Variants in ARHGEF12 observed in about 807,000 individuals in gnomAD.
ARHGEF12 encodes Rho guanine nucleotide exchange factor 12, also known as KMT2A/ARHGEF12 fusion protein.
A neutral mutation model predicts 211.2 loss-of-function variants in ARHGEF12; 66 were observed. The observed-to-expected ratio is 0.31, with a 90% CI of 0.26 to 0.38. The LOEUF (loss-of-function observed/expected upper bound fraction) is 0.38. Among genes scored for constraint, ARHGEF12 ranks in the 10% least tolerant of loss-of-function variants. The pLI, the probability that ARHGEF12 is intolerant of heterozygous loss-of-function variation, is 1.00. For missense variants in ARHGEF12, 1,429 were observed against 1,869.5 expected, an observed-to-expected ratio of 0.76 and a Z score of 4.34; for synonymous variants, 592 against 638.4, an observed-to-expected ratio of 0.93 and a Z score of 1.09.
rs534574009 is a variant in ARHGEF12, at chr11:120,445,549, A to G, written c.1345+85A>G. ...CATCTGTTCAGGTTTTATCTGTCAC[A>G]TGGTGACTAGTCGATCACCTGAATC... On this transcript the variant is annotated intron_variant, in intron 16 of 40. Transcript: ENST00000397843. 50 of 1,295,904 alleles carry G rather than the reference A, an allele frequency of 3.9e-5. No individual in the cohort carries two copies. The African/African-American group carries it at 6.0e-4, about 15-fold the overall frequency. The allele number at this position is 1,295,904 out of a possible 1,614,324, so 80.3% of individuals were successfully genotyped here.
Position 120,480,704 on chromosome 11 carries a change from A to C in ARHGEF12, c.4237+274A>C, listed in dbSNP as rs189031346. ...AAGGATGGTAAATAAGTAAACAAAT[A>C]AATAGACTTCAGGAAGTATTAGGAA... On this transcript the variant is annotated intron_variant, in intron 38 of 40. Transcript: ENST00000397843. Among the ~76,000 whole-genome samples, 4 of 149,544 alleles carry C rather than the reference A, an allele frequency of 2.7e-5. No homozygotes were observed. The East Asian group carries it at 7.7e-4, about 29-fold the overall frequency.
chr11:120,426,084 G>A (rs1201120663), intron 7 of ARHGEF12, among the ~76,000 whole-genome samples: 1 of 152,106 alleles, frequency 6.6e-6, no homozygotes, highest in African/African-American at 2.4e-5. Flanking sequence ...ACTTTGATCA[G>A]CGTTCTTTAG....
intron 31 of ARHGEF12, 32 bp from the exon 32 acceptor site, chr11:120,474,528 T>G: frequency 6.6e-7 from 1 of 1,525,478 alleles, no homozygotes; most frequent in Non-Finnish European, 9.0e-7. Flanking sequence ...TGCTTGGAAA[T>G]TATTTGTGCA....
intron 1 of ARHGEF12, among the ~76,000 whole-genome samples, chr11:120,365,190 A>G (rs1463796201): frequency 6.6e-6 from 1 of 152,260 alleles, no homozygotes; most frequent in African/African-American, 2.4e-5. Flanking sequence ...ATGTGTATAT[A>G]TATATATTGC....
At chr11:120,368,247 G>C (rs1192218645) in intron 1 of ARHGEF12, among the ~76,000 whole-genome samples, 1 of 152,070 alleles carries the variant, frequency 6.6e-6, no homozygotes, top group Non-Finnish European at 1.5e-5. Context: ...CTTATATCAT[G>C]ACTACTGACT....
At chr11:120,362,784 G>T (rs1943311874) in intron 1 of ARHGEF12, among the ~76,000 whole-genome samples, 1 of 152,156 alleles carries the variant, frequency 6.6e-6, no homozygotes, top group Non-Finnish European at 1.5e-5. Flanking sequence ...AAGCTGATGG[G>T]ACACTCCAAT....
At chr11:120,360,547 C>A (rs1171303881) in intron 1 of ARHGEF12, among the ~76,000 whole-genome samples, 7 of 152,030 alleles carry the variant, frequency 4.6e-5, no homozygotes, top group African/African-American at 1.7e-4. Context: ...TGCATACCAC[C>A]ACATTGGATA....
intron 39 of ARHGEF12, among the ~76,000 whole-genome samples, chr11:120,483,315 C>G (rs1042612338): frequency 3.0e-5 from 4 of 133,866 alleles, no homozygotes; most frequent in African/African-American, 5.7e-5. Context: ...GGCTGGAGTG[C>G]AGTGGCGCTA....
chr11:120,414,361 A>G (rs1944967224), intron 4 of ARHGEF12, among the ~76,000 whole-genome samples: 1 of 152,214 alleles, frequency 6.6e-6, no homozygotes, highest in Admixed American at 6.5e-5. Flanking sequence ...TCTTATAGAA[A>G]TGTTCCTCTA....
intron 11 of ARHGEF12, among the ~76,000 whole-genome samples, chr11:120,436,517 A>G (rs1294711671): frequency 6.6e-6 from 1 of 152,150 alleles, no homozygotes; most frequent in African/African-American, 2.4e-5. Flanking sequence ...TGTGTCTCAT[A>G]TAGTTCATAT....
chr11:120,378,602 T>C (rs549661097), intron 1 of ARHGEF12, among the ~76,000 whole-genome samples: 1 of 152,346 alleles, frequency 6.6e-6, no homozygotes, highest in South Asian at 2.1e-4. Flanking sequence ...CTAGAAGTTG[T>C]ATAGTTTAGC....
chr11:120,452,976 G>A (rs1032577885), intron 22 of ARHGEF12, among the ~76,000 whole-genome samples: 7 of 151,542 alleles, frequency 4.6e-5, no homozygotes, highest in Admixed American at 3.9e-4. Context: ...CTCCAGCCTG[G>A]GCAACAGAGT....
Position 120,487,736 on chromosome 11 carries a change from T to A in ARHGEF12, c.*2659T>A, listed in dbSNP as rs182880642. The A allele has an allele frequency of 1.1e-4, 25 of 221,848 alleles. No homozygotes were observed. Among genetic ancestry groups the A allele is most frequent in the Non-Finnish European group, 1.1e-4 (12 of 110,860 alleles). 13.7% of individuals were successfully genotyped at this position (221,848 alleles called of 1,614,324 possible). On this transcript the variant is annotated 3_prime_UTR_variant, in exon 41 of 41. Transcript: ENST00000397843. Reference sequence around the variant, plus strand: ...ATGGAAGTGACCTGCTGTGACACTGTGCTCTCTTCTGTGGGCTTAATGGTT... The same window carrying A: ...ATGGAAGTGACCTGCTGTGACACTGAGCTCTCTTCTGTGGGCTTAATGGTT...
chr11:120,354,323 T>A (rs1361554494), intron 1 of ARHGEF12, among the ~76,000 whole-genome samples: 1 of 152,116 alleles, frequency 6.6e-6, no homozygotes, highest in Non-Finnish European at 1.5e-5. Context: ...TCCCCTGACA[T>A]CATAACTCTC....
intron 15 of ARHGEF12, among the ~76,000 whole-genome samples, chr11:120,444,852 G>C (rs1945996853): frequency 6.6e-6 from 1 of 152,162 alleles, no homozygotes; most frequent in Non-Finnish European, 1.5e-5. Flanking sequence ...AGCAAGAACT[G>C]TAGATGGTTG....
At chr11:120,448,106 G>T in intron 19 of ARHGEF12, 128 bp from the exon 20 acceptor site, 1 of 781,870 alleles carries the variant, frequency 1.3e-6, no homozygotes, top group South Asian at 1.9e-5. Flanking sequence ...TGACTAGTTA[G>T]TTCTTTAGTG....
At chr11:120,370,192 A>G (rs1274390676) in intron 1 of ARHGEF12, among the ~76,000 whole-genome samples, 1 of 152,160 alleles carries the variant, frequency 6.6e-6, no homozygotes, top group South Asian at 2.1e-4. Flanking sequence ...GTAGGGATTG[A>G]GTTTTATTCT....
rs990723135 is a variant in ARHGEF12, at chr11:120,485,268, CTGTT to C, written c.*195_*198del. 4 of 592,254 alleles carry C rather than the reference CTGTT, an allele frequency of 6.8e-6. No individual in the cohort carries two copies. In the African/African-American group the frequency reaches 7.4e-5, roughly 11 times the overall value. 36.7% of individuals were successfully genotyped at this position (592,254 alleles called of 1,614,324 possible). A position where few individuals can be genotyped will look rare whatever the true frequency, so the allele number is the denominator to read the frequency against. On this transcript the variant is annotated 3_prime_UTR_variant, in exon 41 of 41. Transcript: ENST00000397843. ...TTCACAGTGTGGCAGCTGCACTAAT[CTGTT>C]TGTGAGGGAATATCCATTCCCTCAC...
At position 120,465,274 on chromosome 11, in the gene ARHGEF12, C is replaced by T. The variant is rs1309606165; in HGVS notation, c.2651C>T (p.Ala884Val). The T allele has an allele frequency of 1.9e-6, 3 of 1,614,146 alleles. No homozygotes were observed. The South Asian group carries it at 3.3e-5, about 18-fold the overall frequency. Residue 884 changes from alanine to valine, a missense_variant, in exon 28 of 41, where the codon GCT (alanine) becomes GTT (valine). Coordinates refer to ENST00000397843, the MANE Select transcript of ARHGEF12 (RefSeq NM_015313.3). ...GGAGAGGAGAAATTGAAACATGCTG[C>T]TGCTACCTTTTGCAGTAACCAACCT... Reference protein sequence around the residue: ...GPGEEKLKHAAATFCSNQPFA... With the variant: ...GPGEEKLKHAVATFCSNQPFA...
Sources: allele counts gnomAD v4.1 joint callset (sites outside exome capture counted in the v4.1 genomes callset), GRCh38; gene constraint gnomAD v4.1.1; transcripts MANE v1.5; gene names NCBI Gene and HGNC (gene_info 2026-07-23, HGNC 2026-07-21).